IQSEC1: variants seen among roughly 807,000 people sequenced by gnomAD.
IQSEC1 encodes the protein IQ motif and Sec7 domain ArfGEF 1.
A neutral mutation model predicts 91.0 loss-of-function variants in IQSEC1; 31 were observed. The observed-to-expected ratio is 0.34, with a 90% confidence interval of 0.26 to 0.46. The LOEUF (loss-of-function observed/expected upper bound fraction) is 0.46, where lower values mean the gene tolerates loss of function less well. Ranked by LOEUF, IQSEC1 falls within the 20% of genes least tolerant of loss-of-function variation. The pLI, the probability that IQSEC1 is intolerant of heterozygous loss-of-function variation, is 1.00. For missense variants in IQSEC1, 1,388 were observed against 1,575.6 expected (o/e 0.88, Z 2.02); for synonymous variants, 699 against 662.6 (o/e 1.05, Z -0.84).
intron 1 of IQSEC1, among the ~76,000 whole-genome samples, chr3:13,260,251 T>A (rs969504206): frequency 6.6e-6 from 1 of 152,224 alleles, no homozygotes; most frequent in Non-Finnish European, 1.5e-5. Flanking sequence ...TAGTTAACGA[T>A]GTTCTCTGGC....
At position 12,936,196 on chromosome 3, in the gene IQSEC1, T is replaced by C. The variant is rs199808138; in HGVS notation, c.820A>G (p.Met274Val). The change falls in exon 3 of 14, where the codon ATG becomes GTG. Residue 274 changes from methionine (M) to valine (V), a missense_variant. This residue lies in a region of IQSEC1 where 1,059 missense variants were observed against 1,317.8 expected (regional missense o/e 0.80). Transcript: ENST00000613206. ...DTEPQTALHGMDHRKLDEMTA... is the reference protein window; with the variant it reads ...DTEPQTALHGVDHRKLDEMTA... Reference sequence around the variant, plus strand: ...ATCTCGTCCAGTTTGCGGTGGTCCATGCCGTGCAGGGCTGTCTGGGGTTCG... The same window carrying C: ...ATCTCGTCCAGTTTGCGGTGGTCCACGCCGTGCAGGGCTGTCTGGGGTTCG... 61 of 1,612,960 alleles carry C rather than the reference T, an allele frequency of 3.8e-5. No homozygotes were observed. In the East Asian group the frequency reaches 1.0e-3, roughly 28 times the overall value.
intron 2 of IQSEC1, among the ~76,000 whole-genome samples, chr3:13,091,005 T>C (rs1176233121): frequency 6.6e-6 from 1 of 152,134 alleles, no homozygotes; most frequent in Non-Finnish European, 1.5e-5. Context: ...TAATTTGGAT[T>C]TGGCTGGCCT....
chr3:12,952,100 C>T (rs1335440959), intron 1 of IQSEC1, among the ~76,000 whole-genome samples: 1 of 152,132 alleles, frequency 6.6e-6, no homozygotes, highest in Non-Finnish European at 1.5e-5. Context: ...CCCTACAGGG[C>T]GTGGCGGGAG....
chr3:13,169,909 A>T (rs573871624), intron 1 of IQSEC1, among the ~76,000 whole-genome samples: 1 of 152,376 alleles, frequency 6.6e-6, no homozygotes, highest in South Asian at 2.1e-4. Flanking sequence ...ACAATGAGAT[A>T]GAAAAGAAAA....
intron 1 of IQSEC1, among the ~76,000 whole-genome samples, chr3:12,961,770 G>A (rs576957741): frequency 6.6e-6 from 1 of 152,222 alleles, no homozygotes; most frequent in African/African-American, 2.4e-5. Flanking sequence ...ACTATGCACT[G>A]TTGAAGCACT....
chr3:12,899,899 C>G lies in IQSEC1; in HGVS notation c.*1084G>C. Reference sequence around the variant, plus strand: ...ACTTTCATGTTGGAGATGAACACTTCTGCCGTGTATGGGTGCCCCTCTCGG... The same window carrying G: ...ACTTTCATGTTGGAGATGAACACTTGTGCCGTGTATGGGTGCCCCTCTCGG... On this transcript the variant is annotated 3_prime_UTR_variant, in exon 14 of 14. Coordinates refer to ENST00000613206, the MANE Select transcript of IQSEC1 (RefSeq NM_001134382.3). The G allele has an allele frequency of 1.0e-6, 1 of 985,166 alleles. No homozygotes were observed. Among genetic ancestry groups the G allele is most frequent in the Non-Finnish European group, 1.2e-6 (1 of 829,884 alleles). 61.0% of individuals were successfully genotyped at this position (985,166 alleles called of 1,614,324 possible).
chr3:13,020,659 C>T (rs1703357161), intron 1 of IQSEC1, among the ~76,000 whole-genome samples: 1 of 152,134 alleles, frequency 6.6e-6, no homozygotes, highest in Admixed American at 6.5e-5. Context: ...TGTGCTTTTT[C>T]CACTCCTGAT....
chr3:13,073,886 G>C (rs779347628), upstream of IQSEC1, among the ~76,000 whole-genome samples: 7 of 152,242 alleles, frequency 4.6e-5, no homozygotes, highest in Non-Finnish European at 8.8e-5. Flanking sequence ...TATACCACGG[G>C]GTTCCAGGAG....
intron 2 of IQSEC1, among the ~76,000 whole-genome samples, chr3:13,093,002 C>T (rs1705890031): frequency 6.6e-6 from 1 of 152,108 alleles, no homozygotes. Flanking sequence ...CAAGCTGCTC[C>T]TAGTCCTCAG....
intron 1 of IQSEC1, among the ~76,000 whole-genome samples, chr3:13,029,646 G>A (rs1703765239): frequency 6.6e-6 from 1 of 152,232 alleles, no homozygotes; most frequent in Non-Finnish European, 1.5e-5. Context: ...CCAGGTCAAG[G>A]GGGGCCAAAC....
At chr3:13,271,362 G>A (rs909294476) in intron 1 of IQSEC1, among the ~76,000 whole-genome samples, 1 of 152,052 alleles carries the variant, frequency 6.6e-6, no homozygotes, top group African/African-American at 2.4e-5. Context: ...GGGTGACACA[G>A]CAAGACTCCG....
intron 3 of IQSEC1, among the ~76,000 whole-genome samples, chr3:12,931,070 C>T (rs1697628426): frequency 6.6e-6 from 1 of 152,180 alleles, no homozygotes; most frequent in Non-Finnish European, 1.5e-5. Flanking sequence ...ACCCAAGTGG[C>T]TTCCCTGGTA....
intron 1 of IQSEC1, among the ~76,000 whole-genome samples, chr3:12,998,864 G>C (rs934176450): frequency 2.6e-5 from 4 of 152,042 alleles, no homozygotes; most frequent in Non-Finnish European, 5.9e-5. Flanking sequence ...TATAAAGTGG[G>C]GGGTCGGGGG....
chr3:12,949,235 G>C (rs1699380795), intron 1 of IQSEC1, among the ~76,000 whole-genome samples: 2 of 152,238 alleles, frequency 1.3e-5, no homozygotes, highest in Admixed American at 1.3e-4. Context: ...GGACAGGGCT[G>C]GGTCCAGAGC....
In IQSEC1 at chr3:13,001,903, A is replaced by C. The variant is rs1392712647; in HGVS notation, c.24-60038T>G. ...GTGAAAACCCATCTCTACTAAAAAT[A>C]CAAAAATCAGCCAGGCGTGGTGGTG... On this transcript the variant is annotated intron_variant, in intron 1 of 13. Coordinates refer to ENST00000613206, the MANE Select transcript of IQSEC1 (RefSeq NM_001134382.3). Among the ~76,000 whole-genome samples, 3 of 152,148 alleles carry C rather than the reference A, an allele frequency of 2.0e-5. 1 individual carries two copies. The highest frequency in any genetic ancestry group is 2.0e-4 in the Admixed American group (3 of 15,276).
intron 2 of IQSEC1, among the ~76,000 whole-genome samples, chr3:13,149,988 G>C (rs999227862): frequency 6.6e-6 from 1 of 152,272 alleles, no homozygotes; most frequent in Non-Finnish European, 1.5e-5. Flanking sequence ...TCCCGGGAAC[G>C]GTCCTGCCAG....
chr3:13,071,754 G>A (rs1280725548), intron 1 of IQSEC1, among the ~76,000 whole-genome samples: 1 of 146,392 alleles, frequency 6.8e-6, no homozygotes, highest in African/African-American at 2.5e-5. Flanking sequence ...CAAACCAGAG[G>A]CCGCCATCCC....
At chr3:13,021,025 T>C (rs368006424) in intron 1 of IQSEC1, among the ~76,000 whole-genome samples, 6 of 152,282 alleles carry the variant, frequency 3.9e-5, no homozygotes, top group South Asian at 2.1e-4. Flanking sequence ...AGAGGGACAA[T>C]CTTTCAATCC....
intron 1 of IQSEC1, among the ~76,000 whole-genome samples, chr3:13,281,793 C>G (rs1271347724): frequency 1.3e-5 from 2 of 152,228 alleles, no homozygotes; most frequent in Non-Finnish European, 2.9e-5. Context: ...ACAGTGATTT[C>G]TAGTCTTCCC....
Sources: gnomAD v4.1 joint callset for allele counts (sites outside exome capture counted in the v4.1 genomes callset) on GRCh38, gnomAD v4.1.1 for gene constraint, gnomAD v4.1.1 regional missense constraint, MANE v1.5 for transcripts, NCBI Gene and HGNC (gene_info 2026-07-23, HGNC 2026-07-21) for gene names.